Variants in GPC5 observed in about 807,000 individuals in gnomAD.
GPC5 encodes the protein glypican-5.
In GPC5, 47 loss-of-function variants were observed where a neutral mutation model predicts 53.9. That is an observed-to-expected ratio of 0.87 (90% CI 0.69 to 1.11). The LOEUF (loss-of-function observed/expected upper bound fraction) is 1.11. GPC5 is among the 50% of genes most tolerant of loss of function. The pLI is 0.00. For missense variants in GPC5, 748 were observed against 713.1 expected (o/e 1.05, Z -0.56); for synonymous variants, 286 against 263.3 (o/e 1.09, Z -0.84).
intron 1 of GPC5, among the ~76,000 whole-genome samples, chr13:91,405,978 C>T (rs1451994987): frequency 6.6e-6 from 1 of 152,080 alleles, no homozygotes; most frequent in South Asian, 2.1e-4. Context: ...TGCCACCTTG[C>T]GCAGGCTGGT....
chr13:92,488,824 C>T (rs1402916329), intron 7 of GPC5, among the ~76,000 whole-genome samples: 1 of 152,066 alleles, frequency 6.6e-6, no homozygotes, highest in East Asian at 1.9e-4. Flanking sequence ...GTGAAACTGC[C>T]CTCCGGAAAA....
chr13:92,582,263 G>A (rs1261372051), intron 7 of GPC5, among the ~76,000 whole-genome samples: 2 of 151,986 alleles, frequency 1.3e-5, no homozygotes, highest in African/African-American at 4.8e-5. Context: ...TTCTGTATGT[G>A]GTTATCCAGT....
chr13:91,939,774 G>T (rs1850727327), intron 6 of GPC5, among the ~76,000 whole-genome samples: 1 of 152,076 alleles, frequency 6.6e-6, no homozygotes, highest in African/African-American at 2.4e-5. Flanking sequence ...ACTACCACGA[G>T]GGCTGAAGAA....
intron 2 of GPC5, among the ~76,000 whole-genome samples, chr13:91,682,047 C>T (rs993598791): frequency 2.0e-5 from 3 of 152,010 alleles, no homozygotes; most frequent in Non-Finnish European, 4.4e-5. Flanking sequence ...TATATGGTTC[C>T]GAACTCAGAA....
chr13:91,934,174 A>C (rs955963517), intron 6 of GPC5, among the ~76,000 whole-genome samples: 2 of 151,888 alleles, frequency 1.3e-5, no homozygotes, highest in African/African-American at 4.8e-5. Context: ...AAAGAAGAAA[A>C]TTTTCTAGGT....
At chr13:91,983,210 C>G (rs1214641159) in intron 6 of GPC5, among the ~76,000 whole-genome samples, 8 of 152,010 alleles carry the variant, frequency 5.3e-5, no homozygotes, top group East Asian at 1.9e-4. Flanking sequence ...GCCGGGCGTA[C>G]TGGCGGGCGC....
At chr13:92,049,695 G>A (rs7987342) in intron 6 of GPC5, among the ~76,000 whole-genome samples, 73,210 of 151,782 alleles carry the variant, frequency 0.48, 18,084 homozygotes, top group African/African-American at 0.54. Context: ...CTGTCTCTGC[G>A]CCTATTGAAT....
intron 6 of GPC5, among the ~76,000 whole-genome samples, chr13:91,953,346 C>T (rs1221599766): frequency 1.3e-5 from 2 of 152,050 alleles, no homozygotes; most frequent in Non-Finnish European, 2.9e-5. Context: ...CCAAGAATTC[C>T]TTGCCAGGAG....
At chr13:92,829,565 A>G (rs572407096) in intron 7 of GPC5, among the ~76,000 whole-genome samples, 55 of 152,274 alleles carry the variant, frequency 3.6e-4, no homozygotes, top group African/African-American at 1.1e-3. Context: ...CTTATCTTCT[A>G]TTAGTCAAAA....
At chr13:92,724,875 TACACACACACACACACACACACACAC>T (rs58824655) in intron 7 of GPC5, among the ~76,000 whole-genome samples, 1 of 137,668 alleles carries the variant, frequency 7.3e-6, no homozygotes, top group Admixed American at 7.3e-5. Context: ...GTCCTACACA[TACACACACACACACACACACACACAC>T]ACACACACAC....
intron 7 of GPC5, among the ~76,000 whole-genome samples, chr13:92,426,603 A>T (rs951542898): frequency 6.6e-6 from 1 of 152,104 alleles, no homozygotes; most frequent in African/African-American, 2.4e-5. Context: ...TGGAAGAAAA[A>T]GAGCAATGAG....
chr13:92,402,894 A>G (rs9589536), intron 7 of GPC5, among the ~76,000 whole-genome samples: 5,324 of 152,260 alleles, frequency 0.035, 293 homozygotes, highest in African/African-American at 0.12. Context: ...CCTCCACTCA[A>G]TGCAAGTTTT....
intron 2 of GPC5, among the ~76,000 whole-genome samples, chr13:91,583,454 A>C (rs1445242663): frequency 6.6e-6 from 1 of 152,218 alleles, no homozygotes; most frequent in Non-Finnish European, 1.5e-5. Flanking sequence ...ACAATAAAAT[A>C]ATATTTAAAA....
At chr13:91,407,031 C>T (rs1444929139) in intron 1 of GPC5, among the ~76,000 whole-genome samples, 1 of 151,922 alleles carries the variant, frequency 6.6e-6, no homozygotes, top group Non-Finnish European at 1.5e-5. Flanking sequence ...GATTGATTTC[C>T]CTTTTGGTTC....
At chr13:91,635,162 C>T (rs1020239733) in intron 2 of GPC5, among the ~76,000 whole-genome samples, 3 of 152,010 alleles carry the variant, frequency 2.0e-5, no homozygotes, top group Non-Finnish European at 4.4e-5. Context: ...ACCTTAATTT[C>T]TATTTTAATG....
intron 7 of GPC5, among the ~76,000 whole-genome samples, chr13:92,718,624 C>A (rs1169413528): frequency 6.6e-6 from 1 of 152,124 alleles, no homozygotes. Context: ...TGAATAAAAT[C>A]TCCTATTTGC....
intron 7 of GPC5, among the ~76,000 whole-genome samples, chr13:92,587,379 A>C (rs544027092): frequency 2.0e-5 from 3 of 152,194 alleles, no homozygotes; most frequent in Non-Finnish European, 4.4e-5. Flanking sequence ...TATGCAATGA[A>C]AATTCATGGA....
At chr13:92,167,796 G>A (rs924092130) in intron 7 of GPC5, among the ~76,000 whole-genome samples, 7 of 150,190 alleles carry the variant, frequency 4.7e-5, no homozygotes, top group Admixed American at 2.0e-4. Context: ...GTCATCTGTT[G>A]TTTAACAAAT....
chr13:91,943,868 C>CTT (rs567534441), intron 6 of GPC5, among the ~76,000 whole-genome samples: 10 of 147,618 alleles, frequency 6.8e-5, no homozygotes, highest in Non-Finnish European at 1.2e-4. Context: ...TTTGAAATGA[C>CTT]TTTTTTTTTT....
Sources: gnomAD v4.1 joint callset for allele counts (sites outside exome capture counted in the v4.1 genomes callset) on GRCh38, gnomAD v4.1.1 for gene constraint, MANE v1.5 for transcripts, NCBI Gene and HGNC (gene_info 2026-07-23, HGNC 2026-07-21) for gene names.